The following SPON1 variants were observed in gnomAD, a reference collection of about 807,000 sequenced individuals.
SPON1 encodes the protein spondin 1.
Under a neutral mutation model 111.7 loss-of-function variants are expected in SPON1, and 52 were observed. That is an observed-to-expected ratio of 0.47 (90% CI 0.37 to 0.59). SPON1 has a LOEUF of 0.59. SPON1 is among the 20% of genes least tolerant of loss of function. The pLI, the probability that SPON1 is intolerant of heterozygous loss-of-function variation, is 0.00. For missense variants in SPON1, 957 were observed against 1,068.5 expected (o/e 0.90, Z 1.46); for synonymous variants, 410 against 395.8 (o/e 1.04, Z -0.43).
intron 3 of SPON1, among the ~76,000 whole-genome samples, chr11:14,051,821 G>A (rs1848709915): frequency 6.6e-6 from 1 of 152,140 alleles, no homozygotes; most frequent in South Asian, 2.1e-4. Flanking sequence ...TATATTTATT[G>A]CTAACCACTA....
At chr11:14,122,832 C>T (rs1377341602) in intron 5 of SPON1, among the ~76,000 whole-genome samples, 3 of 151,922 alleles carry the variant, frequency 2.0e-5, no homozygotes, top group Non-Finnish European at 2.9e-5. Flanking sequence ...AGTTCTTGTA[C>T]GTTAGTTCCA....
At chr11:14,061,986 A>AAT (rs1554919919) in intron 3 of SPON1, among the ~76,000 whole-genome samples, 1 of 152,208 alleles carries the variant, frequency 6.6e-6, no homozygotes, top group Non-Finnish European at 1.5e-5. Context: ...TTATTGCACA[A>AAT]ATACATGGGA....
At chr11:14,050,478 C>G (rs1848699957) in intron 3 of SPON1, among the ~76,000 whole-genome samples, 1 of 152,196 alleles carries the variant, frequency 6.6e-6, no homozygotes, top group African/African-American at 2.4e-5. Context: ...ATATGTCCTG[C>G]AAAGCCTGAA....
At chr11:14,117,386 T>A (rs1419860306) in intron 5 of SPON1, among the ~76,000 whole-genome samples, 1 of 152,216 alleles carries the variant, frequency 6.6e-6, no homozygotes, top group Non-Finnish European at 1.5e-5. Context: ...TATGTTTTCT[T>A]ATGTGAATGT....
At chr11:14,100,868 A>C (rs1163695542) in intron 5 of SPON1, among the ~76,000 whole-genome samples, 1 of 152,220 alleles carries the variant, frequency 6.6e-6, no homozygotes, top group Non-Finnish European at 1.5e-5. Context: ...CTGATGGCTG[A>C]CATAAGACCT....
chr11:14,259,774 AC>A lies in SPON1; in HGVS notation c.1831+75del. On this transcript the variant is annotated intron_variant, in intron 13 of 15. Coordinates refer to ENST00000576479, the MANE Select transcript of SPON1 (RefSeq NM_006108.4). The surrounding 1 kb of genome is among the most constrained non-coding windows in gnomAD (Gnocchi z 5.0). Reference sequence around the variant, plus strand: ...GTGGAGGGCCATGGCATCCACTATTACCACCATAAAGGTCGGAGGCTGAGCA... The same window carrying A: ...GTGGAGGGCCATGGCATCCACTATTACACCATAAAGGTCGGAGGCTGAGCA... 8 of 1,468,270 alleles carry A rather than the reference AC, an allele frequency of 5.4e-6. No homozygotes were observed. The highest frequency in any genetic ancestry group is 7.4e-6 in the Non-Finnish European group (8 of 1,088,024). 91.0% of individuals were successfully genotyped at this position (1,468,270 alleles called of 1,614,324 possible).
chr11:14,203,638 C>T (rs1848486268), intron 6 of SPON1, among the ~76,000 whole-genome samples: 1 of 152,134 alleles, frequency 6.6e-6, no homozygotes, highest in African/African-American at 2.4e-5. Flanking sequence ...TCTGTGTGCT[C>T]CAGGCCAGCA....
intron 6 of SPON1, among the ~76,000 whole-genome samples, chr11:14,242,066 C>G (rs1242335650): frequency 1.4e-4 from 22 of 152,084 alleles, no homozygotes; most frequent in African/African-American, 5.3e-4. Context: ...AGCCAACTTC[C>G]TCTGCACCAC....
At chr11:14,078,849 A>C (rs1198712174) in intron 4 of SPON1, among the ~76,000 whole-genome samples, 1 of 152,208 alleles carries the variant, frequency 6.6e-6, no homozygotes, top group Non-Finnish European at 1.5e-5. Context: ...TAGAACCTAG[A>C]ATTCACTTCT....
intron 6 of SPON1, among the ~76,000 whole-genome samples, chr11:14,201,418 A>C (rs373056915): frequency 9.3e-5 from 14 of 149,858 alleles, no homozygotes; most frequent in African/African-American, 3.4e-4. Flanking sequence ...TTTCTTTTTG[A>C]GACAAAGTCT....
chr11:14,108,913 C>CTG (rs1435655501), intron 5 of SPON1, among the ~76,000 whole-genome samples: 3 of 152,132 alleles, frequency 2.0e-5, no homozygotes, highest in Non-Finnish European at 4.4e-5. Flanking sequence ...TAGGTGGGAT[C>CTG]TCTCTCTATG....
intron 3 of SPON1, among the ~76,000 whole-genome samples, chr11:14,073,181 C>A (rs374767944): frequency 1.3e-5 from 2 of 152,236 alleles, no homozygotes; most frequent in South Asian, 4.1e-4. Context: ...GTGCCTAAAA[C>A]AAGTTTGTGT....
chr11:14,263,109 G>A, intron 15 of SPON1, 134 bp downstream of exon 15: 3 of 935,940 alleles, frequency 3.2e-6, no homozygotes, highest in Non-Finnish European at 4.6e-6. Flanking sequence ...GAGTCTTCAG[G>A]CCACATTTTG....
intron 2 of SPON1, among the ~76,000 whole-genome samples, chr11:14,033,669 T>A (rs1179624721): frequency 6.6e-6 from 1 of 152,194 alleles, no homozygotes; most frequent in Non-Finnish European, 1.5e-5. Context: ...TGAAAAGTTT[T>A]AGAAGCCTAG....
At chr11:14,132,611 T>C (rs1190394327) in intron 5 of SPON1, among the ~76,000 whole-genome samples, 1 of 152,160 alleles carries the variant, frequency 6.6e-6, no homozygotes, top group African/African-American at 2.4e-5. Flanking sequence ...GGCAACACCA[T>C]ATCCAGTCCT....
intron 2 of SPON1, among the ~76,000 whole-genome samples, chr11:14,027,367 G>A (rs994161811): frequency 2.0e-5 from 3 of 152,188 alleles, no homozygotes; most frequent in Admixed American, 1.3e-4. Context: ...CCTAGTATGA[G>A]TTTACCATGA....
chr11:13,983,795 C>T (rs889182849), intron 2 of SPON1, among the ~76,000 whole-genome samples: 7 of 152,146 alleles, frequency 4.6e-5, no homozygotes, highest in Non-Finnish European at 7.3e-5. Context: ...TCATTTTTAT[C>T]TGGCATTTGC....
chr11:14,051,402 G>T (rs1848706277), intron 3 of SPON1, among the ~76,000 whole-genome samples: 1 of 152,102 alleles, frequency 6.6e-6, no homozygotes. Context: ...CTGGTGTGCT[G>T]GTGAGAGCCT....
intron 6 of SPON1, among the ~76,000 whole-genome samples, chr11:14,165,642 A>G (rs1437245860): frequency 1.3e-5 from 2 of 152,228 alleles, no homozygotes; most frequent in Non-Finnish European, 2.9e-5. Context: ...CTAACCCACA[A>G]AGAATTTAGA....
Sources: allele counts gnomAD v4.1 joint callset (sites outside exome capture counted in the v4.1 genomes callset), GRCh38; gene constraint gnomAD v4.1.1; non-coding constraint Gnocchi (gnomAD v3.1); transcripts MANE v1.5; gene names NCBI Gene and HGNC (gene_info 2026-07-23, HGNC 2026-07-21).